The following UBR4 variants were observed in gnomAD, a reference collection of about 807,000 sequenced individuals.
UBR4 encodes E3 ubiquitin-protein ligase UBR4.
A neutral mutation model predicts 575.6 loss-of-function variants in UBR4; 124 were observed. The ratio of observed to expected loss-of-function variants is 0.22; its 90% CI spans 0.19 to 0.25. The LOEUF (loss-of-function observed/expected upper bound fraction) is 0.25, where lower values mean the gene tolerates loss of function less well. UBR4 is among the 10% of genes least tolerant of loss of function. UBR4 has a pLI of 1.00. For synonymous variants in UBR4, 2,455 were observed against 2,473.7 expected, an observed-to-expected ratio of 0.99 and a Z score of 0.22; for missense variants, 4,818 against 6,478.8, an observed-to-expected ratio of 0.74 and a Z score of 8.80.
intron 31 of UBR4, 23 bp from the exon 32 acceptor site, chr1:19,165,020 G>C (rs12133185): frequency 0.11 from 171,677 of 1,612,596 alleles, 10,009 homozygotes; most frequent in Non-Finnish European, 0.12. Context: ...CAAGAGGCCA[G>C]GGTCAGTAAA....
At position 19,162,612 on chromosome 1, in the gene UBR4, C is replaced by G; in HGVS notation, c.4765-1G>C. 6.2e-7 allele frequency: 1 copy of G among 1,606,654 alleles called. No individual in the cohort carries two copies. Among genetic ancestry groups the G allele is most frequent in the Non-Finnish European group, 8.5e-7 (1 of 1,175,802 alleles). On this transcript the variant is annotated splice_acceptor_variant, in intron 34 of 105. Coordinates refer to ENST00000375254, the MANE Select transcript of UBR4 (RefSeq NM_020765.3). LOFTEE classifies it high-confidence loss of function. ...ATGTGCACTCCAAGATCATCACATGCTGTAAGAGAAGCCCCACAGCAACTT... is the reference window on the plus strand; with the variant it reads ...ATGTGCACTCCAAGATCATCACATGGTGTAAGAGAAGCCCCACAGCAACTT...
At chr1:19,105,289 G>A in intron 84 of UBR4, 100 bp from the exon 85 acceptor site, 8 of 1,388,052 alleles carry the variant, frequency 5.8e-6, no homozygotes, top group Non-Finnish European at 7.7e-6. Context: ...ATCTTCTGCT[G>A]TCTGTCTCTC....
At chr1:19,207,036 G>T (rs1186867093) in intron 1 of UBR4, among the ~76,000 whole-genome samples, 1 of 152,166 alleles carries the variant, frequency 6.6e-6, no homozygotes, top group Non-Finnish European at 1.5e-5. Context: ...GCATGATGGA[G>T]CCAGGATATC....
rs752764369 is a variant in UBR4, at chr1:19,155,675, G to C, written c.6073-7C>G. 2 of 1,609,180 alleles carry C rather than the reference G, an allele frequency of 1.2e-6. No homozygotes were observed. The highest frequency in any genetic ancestry group is 1.7e-5 in the Admixed American group (1 of 59,902). ...CAACACACAGGTCATAAATCTGCAG[G>C]ATGGAAGAAAAATTAAATAAGGGAA... On this transcript the variant is annotated splice_region_variant and splice_polypyrimidine_tract_variant and intron_variant, in intron 42 of 105. Coordinates refer to ENST00000375254, the MANE Select transcript of UBR4 (RefSeq NM_020765.3).
rs773966758 is a variant in UBR4 at position 19,185,222 on chromosome 1, T to C, written c.1815A>G (p.Lys605=). Reference sequence around the variant, plus strand: ...GTGGGGGAGGAGGCGGAGGTGCTGCTTTCTCTTTACTGGGAGAAATAGTCT... The same window carrying C: ...GTGGGGGAGGAGGCGGAGGTGCTGCCTTCTCTTTACTGGGAGAAATAGTCT... ...FEETISPSKE[K]AAPPPPPPPP... The change falls in exon 15 of 106, where the codon AAA becomes AAG. Residue 605 remains lysine, a synonymous_variant. Transcript: ENST00000375254. 1 of 1,613,156 alleles carries C rather than the reference T, an allele frequency of 6.2e-7. No homozygotes were observed. Among genetic ancestry groups the C allele is most frequent in the East Asian group, 2.2e-5 (1 of 44,880 alleles).
chr1:19,127,567 C>T lies in UBR4; in HGVS notation c.9228+56G>A, dbSNP rs533672869. The stretch of plus-strand genomic sequence containing the variant: ...TACCACCTCTGTGCTGGCCCTAGCA[C>T]TACCCAGACAATCCGCTTACCTTTC... On this transcript the variant is annotated intron_variant, in intron 63 of 105. Coordinates refer to ENST00000375254, the MANE Select transcript of UBR4 (RefSeq NM_020765.3). 55 of 1,407,054 alleles carry T rather than the reference C, an allele frequency of 3.9e-5. No homozygotes were observed. In the East Asian group the frequency reaches 6.4e-4, roughly 16 times the overall value. 87.2% of individuals were successfully genotyped at this position (1,407,054 alleles called of 1,614,324 possible).
Position 19,087,812 on chromosome 1 carries a change from G to T in UBR4, c.14544+4C>A. The T allele has an allele frequency of 2.5e-6, 4 of 1,607,388 alleles. No homozygotes were observed. The highest frequency in any genetic ancestry group is 3.4e-6 in the Non-Finnish European group (4 of 1,176,362). On this transcript the variant is annotated splice_donor_region_variant and intron_variant, in intron 99 of 105. Coordinates refer to ENST00000375254, the MANE Select transcript of UBR4 (RefSeq NM_020765.3). ...AGGACCGACCGTAGGCCCAGCAGCT[G>T]TACCTGGAACTTGTATCCCTCCCTG...
chr1:19,081,716 G>A, intron 102 of UBR4, 143 bp from the exon 103 acceptor site: 1 of 885,516 alleles, frequency 1.1e-6, no homozygotes, highest in Non-Finnish European at 1.9e-6. Context: ...ACCCATCCTT[G>A]CCGACTACTC....
At chr1:19,185,798 C>T (rs920819265) in intron 14 of UBR4, among the ~76,000 whole-genome samples, 15 of 152,060 alleles carry the variant, frequency 9.9e-5, no homozygotes, top group Admixed American at 7.9e-4. Flanking sequence ...TCTCGAACTC[C>T]TGACCTTGTG....
rs2088836433 is a variant in UBR4 at position 19,168,195 on chromosome 1, G to A, written c.3742-11C>T. The A allele has an allele frequency of 2.6e-6, 4 of 1,560,952 alleles. No individual in the cohort carries two copies. The highest frequency in any genetic ancestry group is 2.3e-5 in the South Asian group (2 of 85,992). On this transcript the variant is annotated splice_polypyrimidine_tract_variant and intron_variant, in intron 27 of 105. Transcript: ENST00000375254. ...GGCAAAGGCATTGCGCTGAAAGGAA[G>A]CAAAGCAGATGTAAATGGATAGACC...
intron 2 of UBR4, among the ~76,000 whole-genome samples, chr1:19,200,392 C>A (rs2092688762): frequency 6.6e-6 from 1 of 152,112 alleles, no homozygotes; most frequent in African/African-American, 2.4e-5. Context: ...TTGCACTAGA[C>A]AATACTACTA....
intron 44 of UBR4, among the ~76,000 whole-genome samples, chr1:19,154,455 C>T (rs1302937841): frequency 6.6e-6 from 1 of 152,064 alleles, no homozygotes; most frequent in African/African-American, 2.4e-5. Context: ...CCTTACACAC[C>T]CCTCTATTAT....
chr1:19,085,580 G>A (rs1257806853), intron 101 of UBR4, among the ~76,000 whole-genome samples: 2 of 152,196 alleles, frequency 1.3e-5, no homozygotes, highest in African/African-American at 4.8e-5. Flanking sequence ...ACTGCCAGCT[G>A]CCTGTTTTAT....
At chr1:19,127,868 A>T in intron 62 of UBR4, 129 bp from the exon 63 acceptor site, 1 of 735,040 alleles carries the variant, frequency 1.4e-6, no homozygotes, top group Non-Finnish European at 2.3e-6. Flanking sequence ...ACACAAAACA[A>T]CCCCCAGTAT....
rs1388382844 is a variant in UBR4, at chr1:19,187,548, A to G, written c.1395-8T>C. On this transcript the variant is annotated splice_region_variant and splice_polypyrimidine_tract_variant and intron_variant, in intron 11 of 105. Transcript: ENST00000375254. ...ACCCCAAATCCCTGATGCCTACACAAAGAAAAAGGAAAACACAATCCTTAA... is the reference window on the plus strand; with the variant it reads ...ACCCCAAATCCCTGATGCCTACACAGAGAAAAAGGAAAACACAATCCTTAA... 1 of 1,610,050 alleles carries G rather than the reference A, an allele frequency of 6.2e-7. No homozygotes were observed. The highest frequency in any genetic ancestry group is 1.3e-5 in the African/African-American group (1 of 74,794).
intron 50 of UBR4, 130 bp from the exon 51 acceptor site, chr1:19,148,257 G>GAA (rs199984248): frequency 7.4e-4 from 695 of 935,846 alleles, no homozygotes; most frequent in East Asian, 4.8e-3. Flanking sequence ...ACTGCAAAGA[G>GAA]AAAAAAAAAA....
At chr1:19,177,345 T>G in intron 19 of UBR4, 116 bp downstream of exon 19, 1 of 1,349,414 alleles carries the variant, frequency 7.4e-7, no homozygotes, top group Non-Finnish European at 1.0e-6. Flanking sequence ...CCCATCAACC[T>G]ACCAAAACCT....
At chr1:19,151,604 C>T (rs972940408) in intron 48 of UBR4, 39 bp downstream of exon 48, 1 of 1,611,076 alleles carries the variant, frequency 6.2e-7, no homozygotes, top group Non-Finnish European at 8.5e-7. Context: ...TTCGCAGTCA[C>T]AATGAGGACA....
chr1:19,144,683 C>G (rs140074926), intron 54 of UBR4, 103 bp downstream of exon 54: 1 of 1,466,196 alleles, frequency 6.8e-7, no homozygotes, highest in African/African-American at 1.4e-5. Context: ...TTCCCTTCAG[C>G]TTCCTCTAAA....
Sources: gnomAD v4.1 joint callset for allele counts (sites outside exome capture counted in the v4.1 genomes callset) on GRCh38, gnomAD v4.1.1 for gene constraint, MANE v1.5 for transcripts, NCBI Gene and HGNC (gene_info 2026-07-23, HGNC 2026-07-21) for gene names.